The following ARHGAP32 variants were observed in gnomAD, a reference collection of about 807,000 sequenced individuals.
ARHGAP32 encodes Rho GTPase activating protein 32.
A neutral mutation model predicts 186.5 loss-of-function variants in ARHGAP32; 51 were observed. The ratio of observed to expected loss-of-function variants is 0.27; its 90% CI spans 0.22 to 0.35. The LOEUF (loss-of-function observed/expected upper bound fraction) is 0.35. Among genes scored for constraint, ARHGAP32 ranks in the 10% least tolerant of loss-of-function variants. The pLI is 1.00. For missense variants in ARHGAP32, 2,186 were observed against 2,623.5 expected (o/e 0.83, Z 3.64); for synonymous variants, 950 against 964.3 (o/e 0.99, Z 0.27).
intron 11 of ARHGAP32, among the ~76,000 whole-genome samples, chr11:129,015,348 A>G (rs968252646): frequency 1.3e-5 from 2 of 152,206 alleles, no homozygotes; most frequent in Non-Finnish European, 2.9e-5. Context: ...TTAGAGCCCA[A>G]TGTCAATGTA....
chr11:129,230,339 T>C (rs970279191), intron 1 of ARHGAP32, among the ~76,000 whole-genome samples: 1 of 152,214 alleles, frequency 6.6e-6, no homozygotes, highest in Non-Finnish European at 1.5e-5. Context: ...TGAGGAAATG[T>C]TTCAGATGTT....
chr11:129,128,996 G>C (rs915869260), intron 2 of ARHGAP32, among the ~76,000 whole-genome samples: 2 of 152,144 alleles, frequency 1.3e-5, no homozygotes, highest in Admixed American at 1.3e-4. Context: ...GCCTCTGCCT[G>C]GCCGCCACCC....
At chr11:129,034,680 A>C (rs1281082995) in intron 11 of ARHGAP32, among the ~76,000 whole-genome samples, 2 of 151,578 alleles carry the variant, frequency 1.3e-5, no homozygotes. Flanking sequence ...CAGAGTGAGG[A>C]ATCACTGAAC....
At chr11:128,986,164 T>C (rs1945867081) in intron 14 of ARHGAP32, 79 bp from the exon 15 acceptor site, 1 of 1,103,230 alleles carries the variant, frequency 9.1e-7, no homozygotes, top group East Asian at 2.6e-5. Context: ...CAGTTTTCAC[T>C]CTGAGATCAA....
chr11:129,131,165 T>C (rs1251088944), intron 2 of ARHGAP32, among the ~76,000 whole-genome samples: 1 of 152,056 alleles, frequency 6.6e-6, no homozygotes, highest in Non-Finnish European at 1.5e-5. Flanking sequence ...AACTGGCTGG[T>C]GAGAAATACG....
At chr11:129,221,728 G>A (rs1159129740) in intron 1 of ARHGAP32, among the ~76,000 whole-genome samples, 1 of 151,812 alleles carries the variant, frequency 6.6e-6, no homozygotes, top group East Asian at 1.9e-4. Flanking sequence ...GCCAATAGTG[G>A]GCAAGGGCAG....
At chr11:129,190,257 A>C (rs546346625) in intron 1 of ARHGAP32, among the ~76,000 whole-genome samples, 28 of 152,170 alleles carry the variant, frequency 1.8e-4, no homozygotes, top group African/African-American at 5.8e-4. Flanking sequence ...CTCGGCAGGA[A>C]CACCACCACG....
chr11:129,200,263 AG>A (rs1177217727), intron 1 of ARHGAP32, among the ~76,000 whole-genome samples: 1 of 152,138 alleles, frequency 6.6e-6, no homozygotes, highest in Non-Finnish European at 1.5e-5. Flanking sequence ...TTGAAATGTA[AG>A]GATACAAGAT....
chr11:129,002,461 ATTTGT>A (rs1345043814), intron 11 of ARHGAP32, among the ~76,000 whole-genome samples: 4 of 152,146 alleles, frequency 2.6e-5, no homozygotes, highest in East Asian at 1.9e-4. Flanking sequence ...ACTTTACTGA[ATTTGT>A]TTTATCAGTT....
intron 2 of ARHGAP32, among the ~76,000 whole-genome samples, chr11:129,129,040 G>A (rs1049504047): frequency 2.6e-5 from 4 of 152,134 alleles, no homozygotes; most frequent in Non-Finnish European, 4.4e-5. Flanking sequence ...CTGCCTGGCC[G>A]CCCATCGTCT....
Position 128,969,770 on chromosome 11 carries a change from T to C in ARHGAP32, c.5443A>G (p.Thr1815Ala). 1 of 1,614,050 alleles carries C rather than the reference T, an allele frequency of 6.2e-7. No homozygotes were observed. Among genetic ancestry groups the C allele is most frequent in the Non-Finnish European group, 8.5e-7 (1 of 1,180,008 alleles). ...CCTTCTGCCACTGAGAGAAGTCCAG[T>C]TTTCCCAGGATCTGATTTACTACGC... The part of the protein sequence containing the change: ...HLRSKSDPGK[T>A]GLLSVAEGKE... The change falls in exon 23 of 23, where the codon ACT becomes GCT. Residue 1815 changes from threonine to alanine, a missense_variant. Coordinates refer to ENST00000682385, the MANE Select transcript of ARHGAP32 (RefSeq NM_001378024.1). This position sits in a 1 kb window ranked among gnomAD's most constrained non-coding sequence, Gnocchi z 4.8.
rs1238142690 is a variant in ARHGAP32 at position 128,968,917 on chromosome 11, T to C, written c.6296A>G (p.His2099Arg). Reference sequence around the variant, plus strand: ...TATTGCTCGCAGGGCTCATTCTGCATGGATCTGTGTTTCAGGATGCTGCAA... The same window carrying C: ...TATTGCTCGCAGGGCTCATTCTGCACGGATCTGTGTTTCAGGATGCTGCAA... ...LSLQHPETQI[H>R]AE is the part of the protein sequence containing the mutation. The change falls in exon 23 of 23, where the codon CAT becomes CGT. Residue 2099 changes from histidine (H) to arginine (R), a missense_variant. Transcript: ENST00000682385. The C allele has an allele frequency of 1.3e-6, 2 of 1,525,688 alleles. No homozygotes were observed. The highest frequency in any genetic ancestry group is 1.4e-5 in the African/African-American group (1 of 72,952). 94.5% of individuals were successfully genotyped at this position (1,525,688 alleles called of 1,614,324 possible).
intron 11 of ARHGAP32, among the ~76,000 whole-genome samples, chr11:129,019,660 G>A (rs1225700457): frequency 6.6e-6 from 1 of 151,660 alleles, no homozygotes; most frequent in South Asian, 2.1e-4. Flanking sequence ...TAGTTTATTC[G>A]GTAATATCCT....
At position 128,969,124 on chromosome 11, in the gene ARHGAP32, C is replaced by T; in HGVS notation, c.6089G>A (p.Ser2030Asn). 2 of 1,605,032 alleles carry T rather than the reference C, an allele frequency of 1.2e-6. No individual in the cohort carries two copies. The highest frequency in any genetic ancestry group is 2.2e-5 in the South Asian group (2 of 89,906). ...QYQPHGKRQS[S>N]VTVVSQYDNL... ...ATCATACTGGGACACAACAGTCACA[C>T]TGCTCTGGCGCTTGCCGTGTGGTTG... The change falls in exon 23 of 23, where the codon AGT becomes AAT. Residue 2030 changes from serine (S) to asparagine (N), a missense_variant. Physicochemically the swap from Ser to Asn is conservative, Grantham distance 46 (BLOSUM62 1). This residue lies in a region of ARHGAP32 where 1,502 missense variants were observed against 1,570.0 expected (regional missense o/e 0.96). Transcript: ENST00000682385. This position sits in a 1 kb window ranked among gnomAD's most constrained non-coding sequence, Gnocchi z 4.8.
chr11:129,162,538 T>C (rs1943552188), intron 2 of ARHGAP32, among the ~76,000 whole-genome samples: 1 of 152,158 alleles, frequency 6.6e-6, no homozygotes, highest in Non-Finnish European at 1.5e-5. Flanking sequence ...GGCAAGAATA[T>C]TCTCACATAA....
chr11:129,274,140 T>C (rs73584248), intron 1 of ARHGAP32, among the ~76,000 whole-genome samples: 1,623 of 152,290 alleles, frequency 0.011, 28 homozygotes, highest in African/African-American at 0.037. Flanking sequence ...CTCTTACTTG[T>C]CCTACAACAA....
At chr11:128,998,130 C>T (rs1245840185) in intron 12 of ARHGAP32, among the ~76,000 whole-genome samples, 189 bp downstream of exon 12, 1 of 152,128 alleles carries the variant, frequency 6.6e-6, no homozygotes, top group Non-Finnish European at 1.5e-5. Flanking sequence ...ATCTCTAATG[C>T]CAAAGTGCAT....
At chr11:129,210,539 T>G (rs994945923) in intron 1 of ARHGAP32, among the ~76,000 whole-genome samples, 2 of 152,158 alleles carry the variant, frequency 1.3e-5, no homozygotes, top group Non-Finnish European at 2.9e-5. Flanking sequence ...CTGAGAAATT[T>G]TCAAATTATT....
chr11:129,103,397 T>C (rs1363353650), intron 5 of ARHGAP32, among the ~76,000 whole-genome samples: 1 of 136,844 alleles, frequency 7.3e-6, no homozygotes, highest in Non-Finnish European at 1.6e-5. Flanking sequence ...AACAATACAG[T>C]TCAGCTCCCT....
Sources: allele counts gnomAD v4.1 joint callset (sites outside exome capture counted in the v4.1 genomes callset), GRCh38; gene constraint gnomAD v4.1.1; regional missense constraint gnomAD v4.1.1; non-coding constraint Gnocchi (gnomAD v3.1); transcripts MANE v1.5; gene names NCBI Gene and HGNC (gene_info 2026-07-23, HGNC 2026-07-21).